Variants in TBC1D2B observed in about 807,000 individuals in gnomAD.
The protein encoded by TBC1D2B is TBC1 domain family, member 2B.
Under a neutral mutation model 100.8 loss-of-function variants are expected in TBC1D2B, and 64 were observed. That is an observed-to-expected ratio of 0.64 (90% CI 0.52 to 0.78). The LOEUF (loss-of-function observed/expected upper bound fraction) is 0.78, where lower values mean the gene tolerates loss of function less well. Ranked by LOEUF, TBC1D2B falls within the 30% of genes least tolerant of loss-of-function variation. The probability of loss-of-function intolerance (pLI) is 0.00; values close to 1 mark genes in which losing one functional copy is unlikely to be tolerated. For missense variants in TBC1D2B, 1,052 were observed against 1,218.4 expected (o/e 0.86, Z 2.03); for synonymous variants, 480 against 479.7 (o/e 1.00, Z -0.01).
chr15:78,076,655 G>A (rs1174639681), intron 1 of TBC1D2B, among the ~76,000 whole-genome samples: 2 of 152,160 alleles, frequency 1.3e-5, no homozygotes, highest in East Asian at 1.9e-4. Flanking sequence ...GGGAGGCTGA[G>A]GTGGGAGGAT....
rs537835569 is a variant in TBC1D2B at position 77,997,647 on chromosome 15, G to A, written c.*513C>T. On this transcript the variant is annotated 3_prime_UTR_variant, in exon 13 of 13. Coordinates refer to ENST00000300584, the MANE Select transcript of TBC1D2B (RefSeq NM_144572.2). ...CAGTGGCCATTTCTGAACAAGGGATGTGCCTGCTTTTCTAAGGCAGCCCCT... is the reference window on the plus strand; with the variant it reads ...CAGTGGCCATTTCTGAACAAGGGATATGCCTGCTTTTCTAAGGCAGCCCCT... 6.6e-6 allele frequency: 1 copy of A among 152,546 alleles called. No homozygotes were observed. Among genetic ancestry groups the A allele is most frequent in the East Asian group, 1.9e-4 (1 of 5,186 alleles). The allele number at this position is 152,546 out of a possible 1,614,324, so 9.4% of individuals were successfully genotyped here.
chr15:78,077,210 G>A (rs1288880047), intron 1 of TBC1D2B, 83 bp downstream of exon 1: 46 of 1,387,652 alleles, frequency 3.3e-5, no homozygotes, highest in Non-Finnish European at 4.0e-5. Flanking sequence ...CTTGGAGGAA[G>A]GAGGGTGGAT....
intron 3 of TBC1D2B, among the ~76,000 whole-genome samples, chr15:78,040,056 C>T (rs1228552829): frequency 2.0e-5 from 3 of 152,240 alleles, no homozygotes; most frequent in African/African-American, 7.2e-5. Flanking sequence ...AGCCTAAGCA[C>T]ACCTCCTACA....
intron 8 of TBC1D2B, 99 bp downstream of exon 8, chr15:78,016,447 C>CA: frequency 1.8e-6 from 2 of 1,122,050 alleles, no homozygotes; most frequent in African/African-American, 3.1e-5. Flanking sequence ...CCAAATGAGA[C>CA]ACACAGTTGT....
At chr15:78,061,137 G>C (rs1254634445) in intron 1 of TBC1D2B, among the ~76,000 whole-genome samples, 1 of 151,362 alleles carries the variant, frequency 6.6e-6, no homozygotes, top group African/African-American at 2.4e-5. Context: ...CCAGCTACTT[G>C]GGAGGCTGAG....
rs1402981589 is a variant in TBC1D2B, at chr15:78,061,495, C to T, written c.361-7308G>A. ...GGCTGACGTGGGAGAATTTCTTGAG[C>T]CCAGGAGGTTGAAGCTGCAGTGAGC... On this transcript the variant is annotated intron_variant, in intron 1 of 12. Coordinates refer to ENST00000300584, the MANE Select transcript of TBC1D2B (RefSeq NM_144572.2). Among the ~76,000 whole-genome samples, 13 of 151,674 alleles carry T rather than the reference C, an allele frequency of 8.6e-5. No individual in the cohort carries two copies. In the East Asian group the frequency reaches 2.3e-3, roughly 27 times the overall value.
At chr15:78,069,737 T>C (rs1455908730) in intron 1 of TBC1D2B, among the ~76,000 whole-genome samples, 1 of 152,170 alleles carries the variant, frequency 6.6e-6, no homozygotes, top group Non-Finnish European at 1.5e-5. Context: ...TTTAGATAGA[T>C]AGATACATAC....
intron 1 of TBC1D2B, among the ~76,000 whole-genome samples, chr15:78,072,970 T>C (rs1262931888): frequency 2.6e-5 from 4 of 152,186 alleles, no homozygotes; most frequent in African/African-American, 7.2e-5. Flanking sequence ...TGATACCCAC[T>C]ATCCAAAAAG....
chr15:78,000,730 C>T (rs1033693026), intron 12 of TBC1D2B, among the ~76,000 whole-genome samples: 8 of 152,248 alleles, frequency 5.3e-5, no homozygotes, highest in Admixed American at 2.6e-4. Context: ...GTCCAGGGGA[C>T]ATACAGACGA....
At chr15:78,005,459 T>G (rs1340848401) in intron 10 of TBC1D2B, among the ~76,000 whole-genome samples, 1 of 152,230 alleles carries the variant, frequency 6.6e-6, no homozygotes, top group Non-Finnish European at 1.5e-5. Context: ...TGCTCAGGGT[T>G]GACAGCACAC....
At chr15:78,007,140 T>C (rs1363584124) in intron 10 of TBC1D2B, among the ~76,000 whole-genome samples, 6 of 152,104 alleles carry the variant, frequency 3.9e-5, no homozygotes, top group African/African-American at 1.4e-4. Context: ...AGGGATTATG[T>C]AGGAGAGTAC....
intron 3 of TBC1D2B, among the ~76,000 whole-genome samples, chr15:78,043,284 C>G (rs1170801809): frequency 1.3e-5 from 2 of 152,210 alleles, no homozygotes; most frequent in Non-Finnish European, 1.5e-5. Context: ...ACCAGTGGGA[C>G]CCCTTATGGA....
chr15:78,040,863 A>AAAGG (rs1322501486), intron 3 of TBC1D2B, among the ~76,000 whole-genome samples: 1 of 138,268 alleles, frequency 7.2e-6, no homozygotes, highest in Admixed American at 7.4e-5. Context: ...AGGAAGAAAG[A>AAAGG]AAGAAAGAAA....
At chr15:78,051,772 C>G (rs898860658) in intron 2 of TBC1D2B, among the ~76,000 whole-genome samples, 1 of 152,230 alleles carries the variant, frequency 6.6e-6, no homozygotes, top group Non-Finnish European at 1.5e-5. Flanking sequence ...CTTCACAGAG[C>G]ACTGCCATAT....
intron 1 of TBC1D2B, among the ~76,000 whole-genome samples, chr15:78,064,558 T>C (rs918661063): frequency 3.9e-5 from 6 of 152,208 alleles, no homozygotes; most frequent in Admixed American, 1.3e-4. Context: ...CTAAGAAATG[T>C]CTAAAGTAAT....
rs2071764053 is a variant in TBC1D2B, at chr15:77,996,529, AATG to A, written c.*1628_*1630del. 6.6e-6 allele frequency: 1 copy of A among 152,234 alleles called. No individual in the cohort carries two copies. Among genetic ancestry groups the A allele is most frequent in the African/African-American group, 2.4e-5 (1 of 41,450 alleles). 9.4% of individuals were successfully genotyped at this position (152,234 alleles called of 1,614,324 possible). A position where few individuals can be genotyped will look rare whatever the true frequency, so the allele number is the denominator to read the frequency against. Reference sequence around the variant, plus strand: ...AACTGCTGCTCTCAAAGACAAAGACAATGACAAAACCCATTTTTGATGCCTGAA... The same window carrying A: ...AACTGCTGCTCTCAAAGACAAAGACAACAAAACCCATTTTTGATGCCTGAA... On this transcript the variant is annotated 3_prime_UTR_variant, in exon 13 of 13. Coordinates refer to ENST00000300584, the MANE Select transcript of TBC1D2B (RefSeq NM_144572.2).
At chr15:78,044,696 T>A (rs963047646) in intron 3 of TBC1D2B, among the ~76,000 whole-genome samples, 3 of 152,224 alleles carry the variant, frequency 2.0e-5, no homozygotes, top group Admixed American at 1.3e-4. Context: ...ACCGTTTAAG[T>A]GTGAAACTGT....
intron 12 of TBC1D2B, among the ~76,000 whole-genome samples, chr15:78,000,012 G>C (rs1489447205): frequency 6.6e-6 from 1 of 152,222 alleles, no homozygotes. Flanking sequence ...CGATCGCTGT[G>C]CTGCAGGACT....
At chr15:78,038,409 G>A (rs780718084) in intron 3 of TBC1D2B, among the ~76,000 whole-genome samples, 1 of 152,220 alleles carries the variant, frequency 6.6e-6, no homozygotes, top group Non-Finnish European at 1.5e-5. Context: ...TCCCTGCAAT[G>A]GGACAGCCTG....
Sources: gnomAD v4.1 joint callset for allele counts (sites outside exome capture counted in the v4.1 genomes callset) on GRCh38, gnomAD v4.1.1 for gene constraint, MANE v1.5 for transcripts, NCBI Gene and HGNC (gene_info 2026-07-23, HGNC 2026-07-21) for gene names.